The following AUTS2 variants were observed in gnomAD, a reference collection of about 807,000 sequenced individuals.
AUTS2 encodes the protein activator of transcription and developmental regulator AUTS2.
A neutral mutation model predicts 112.4 loss-of-function variants in AUTS2; 17 were observed. The observed-to-expected ratio is 0.15, with a 90% CI of 0.10 to 0.23. AUTS2 has a LOEUF of 0.23. Among genes scored for constraint, AUTS2 ranks in the 10% least tolerant of loss-of-function variants. The pLI is 1.00. For missense variants in AUTS2, 1,510 were observed against 1,701.6 expected, an observed-to-expected ratio of 0.89 and a Z score of 1.98; for synonymous variants, 751 against 702.7, an observed-to-expected ratio of 1.07 and a Z score of -1.09.
At chr7:70,014,372 A>AT (rs766577800) in intron 2 of AUTS2, among the ~76,000 whole-genome samples, 11 of 152,226 alleles carry the variant, frequency 7.2e-5, no homozygotes, top group Non-Finnish European at 1.3e-4. Flanking sequence ...GTTTTCTTTG[A>AT]TTTTGAAGAT....
chr7:70,531,809 G>A (rs1174715959), intron 5 of AUTS2, among the ~76,000 whole-genome samples: 2 of 152,246 alleles, frequency 1.3e-5, no homozygotes, highest in South Asian at 2.1e-4. Context: ...TGAAAGGAGA[G>A]GGTGTCAGTT....
At chr7:69,796,190 TAATTG>T in intron 1 of AUTS2, among the ~76,000 whole-genome samples, 1 of 152,290 alleles carries the variant, frequency 6.6e-6, no homozygotes, top group African/African-American at 2.4e-5. Flanking sequence ...AGATGTAACC[TAATTG>T]AAGACGGATG....
chr7:70,220,338 A>G (rs997143380), intron 4 of AUTS2, among the ~76,000 whole-genome samples: 1 of 152,142 alleles, frequency 6.6e-6, no homozygotes, highest in Non-Finnish European at 1.5e-5. Flanking sequence ...GTAGTTGCCA[A>G]CCTTTCCTCT....
chr7:70,747,800 C>CTTTATTTTATTTTAT (rs61458073), intron 6 of AUTS2, among the ~76,000 whole-genome samples: 31 of 146,306 alleles, frequency 2.1e-4, no homozygotes, highest in African/African-American at 5.9e-4. Context: ...GAGCTCATTT[C>CTTTATTTTATTTTAT]TTTATTTTAT....
At chr7:70,347,096 C>T (rs929798434) in intron 4 of AUTS2, among the ~76,000 whole-genome samples, 1 of 152,192 alleles carries the variant, frequency 6.6e-6, no homozygotes, top group African/African-American at 2.4e-5. Context: ...TAACTTCTCA[C>T]AGGATATTGC....
intron 5 of AUTS2, among the ~76,000 whole-genome samples, chr7:70,573,352 T>G (rs557313900): frequency 6.6e-6 from 1 of 152,336 alleles, no homozygotes; most frequent in East Asian, 1.9e-4. Context: ...CTCCTCTATT[T>G]AGGCCCACTC....
intron 5 of AUTS2, among the ~76,000 whole-genome samples, chr7:70,509,907 T>A (rs1046709140): frequency 1.3e-5 from 2 of 152,224 alleles, no homozygotes; most frequent in African/African-American, 2.4e-5. Flanking sequence ...TTCTTTGCTT[T>A]CTTACATCAA....
intron 1 of AUTS2, among the ~76,000 whole-genome samples, chr7:69,748,730 T>C (rs963403585): frequency 1.3e-5 from 2 of 152,290 alleles, no homozygotes; most frequent in Non-Finnish European, 1.5e-5. Flanking sequence ...AGGGCAACAC[T>C]GTATGTAGTG....
At chr7:70,113,112 G>T (rs1199129175) in intron 2 of AUTS2, among the ~76,000 whole-genome samples, 1 of 152,032 alleles carries the variant, frequency 6.6e-6, no homozygotes, top group African/African-American at 2.4e-5. Context: ...AAAATTCCTT[G>T]CCCTGCCCTT....
chr7:70,600,117 C>T (rs1803402300), intron 5 of AUTS2, among the ~76,000 whole-genome samples: 1 of 152,198 alleles, frequency 6.6e-6, no homozygotes, highest in African/African-American at 2.4e-5. Flanking sequence ...GCTGCATGCC[C>T]AAGTTTCAGA....
At chr7:69,784,539 G>A (rs898465318) in intron 1 of AUTS2, among the ~76,000 whole-genome samples, 16 of 152,308 alleles carry the variant, frequency 1.1e-4, no homozygotes, top group South Asian at 2.1e-4. Context: ...CGAAGGAGTG[G>A]CATCAGATAG....
intron 2 of AUTS2, among the ~76,000 whole-genome samples, chr7:70,114,519 G>A (rs1042059126): frequency 9.9e-5 from 15 of 152,196 alleles, no homozygotes; most frequent in African/African-American, 2.7e-4. Context: ...TCAGCTGGGC[G>A]TGGTGACTCA....
At chr7:70,727,901 G>GTAA (rs1787129812) in intron 6 of AUTS2, among the ~76,000 whole-genome samples, 1 of 152,196 alleles carries the variant, frequency 6.6e-6, no homozygotes, top group South Asian at 2.1e-4. Context: ...GGATCTGCAG[G>GTAA]TAATACAGTG....
chr7:69,877,356 G>A (rs1267806280), intron 1 of AUTS2, among the ~76,000 whole-genome samples: 7 of 152,162 alleles, frequency 4.6e-5, no homozygotes, highest in African/African-American at 1.4e-4. Flanking sequence ...ATCACTTAGA[G>A]TAAGCACCTC....
chr7:70,085,396 C>T (rs1339453872), intron 2 of AUTS2, among the ~76,000 whole-genome samples: 19 of 147,950 alleles, frequency 1.3e-4, no homozygotes, highest in African/African-American at 4.0e-4. Flanking sequence ...GATGGAGTCT[C>T]GCTCTGTTGC....
intron 5 of AUTS2, among the ~76,000 whole-genome samples, chr7:70,443,475 A>G (rs542298563): frequency 2.0e-5 from 3 of 152,248 alleles, no homozygotes; most frequent in Non-Finnish European, 4.4e-5. Flanking sequence ...ACAGCATGGC[A>G]GAACCCAGAG....
rs576238983 is a variant in AUTS2, at chr7:70,056,149, G to A, written c.523-61983G>A. ...ATTACAGGCGTGCACCACCGTGCCCGGCTAATTTTTGTATTTTTAGTAGAG... is the reference window on the plus strand; with the variant it reads ...ATTACAGGCGTGCACCACCGTGCCCAGCTAATTTTTGTATTTTTAGTAGAG... On this transcript the variant is annotated intron_variant, in intron 2 of 18. Coordinates refer to ENST00000342771, the MANE Select transcript of AUTS2 (RefSeq NM_015570.4). Among the ~76,000 whole-genome samples the A allele has an allele frequency of 1.1e-4, 16 of 151,880 alleles. No homozygotes were observed. In the East Asian group the frequency reaches 2.9e-3, roughly 28 times the overall value.
intron 1 of AUTS2, among the ~76,000 whole-genome samples, chr7:69,850,308 C>A (rs56141603): frequency 3.6e-5 from 5 of 138,756 alleles, no homozygotes; most frequent in East Asian, 2.1e-4. Context: ...AAAACAAAAA[C>A]AAAAACAAAA....
intron 4 of AUTS2, among the ~76,000 whole-genome samples, chr7:70,406,118 A>C (rs1261588624): frequency 6.6e-6 from 1 of 152,166 alleles, no homozygotes; most frequent in Non-Finnish European, 1.5e-5. Flanking sequence ...ATAAAATAGC[A>C]AATCTTTAAA....
Sources: gnomAD v4.1 joint callset for allele counts (sites outside exome capture counted in the v4.1 genomes callset) on GRCh38, gnomAD v4.1.1 for gene constraint, MANE v1.5 for transcripts, NCBI Gene and HGNC (gene_info 2026-07-23, HGNC 2026-07-21) for gene names.